The following NRXN3 variants were observed in gnomAD, a reference collection of about 807,000 sequenced individuals.
The protein encoded by NRXN3 is neurexin III.
NRXN3 carries 32 observed loss-of-function variants against 137.6 expected under a neutral mutation model. The ratio of observed to expected loss-of-function variants is 0.23; its 90% CI spans 0.18 to 0.31. The LOEUF (loss-of-function observed/expected upper bound fraction) is 0.31, where lower values mean the gene tolerates loss of function less well. Among genes scored for constraint, NRXN3 ranks in the 10% least tolerant of loss-of-function variants. The pLI, the probability that NRXN3 is intolerant of heterozygous loss-of-function variation, is 1.00. For synonymous variants in NRXN3, 798 were observed against 784.5 expected (o/e 1.02, Z -0.29); for missense variants, 1,574 against 2,062.5 (o/e 0.76, Z 4.59).
rs1603429895 is a variant in NRXN3, at chr14:79,688,113, G to GT, written c.3617-4060_3617-4059insT. Among the ~76,000 whole-genome samples, 5 of 152,094 alleles carry GT rather than the reference G, an allele frequency of 3.3e-5. No homozygotes were observed. The East Asian group carries it at 7.7e-4, about 24-fold the overall frequency. On this transcript the variant is annotated intron_variant, in intron 17 of 20. Coordinates refer to ENST00000335750, the MANE Select transcript of NRXN3 (RefSeq NM_001330195.2). Reference sequence around the variant, plus strand: ...CATCTTTTGAATGAAGGACTGATAAGGTAGTGAGACAAGGGAAGCATACCG... The same window carrying GT: ...CATCTTTTGAATGAAGGACTGATAAGTGTAGTGAGACAAGGGAAGCATACCG...
chr14:79,263,318 G>C (rs2077926519), intron 15 of NRXN3, among the ~76,000 whole-genome samples: 1 of 152,146 alleles, frequency 6.6e-6, no homozygotes, highest in African/African-American at 2.4e-5. Context: ...TGAATATGCT[G>C]AAATTTAAGT....
intron 15 of NRXN3, among the ~76,000 whole-genome samples, chr14:79,273,738 A>G (rs2079794811): frequency 6.6e-6 from 1 of 152,192 alleles, no homozygotes; most frequent in Non-Finnish European, 1.5e-5. Flanking sequence ...AAACTTGACA[A>G]CAAACCTATT....
intron 6 of NRXN3, among the ~76,000 whole-genome samples, chr14:78,691,615 C>G (rs2098171101): frequency 6.6e-6 from 1 of 152,090 alleles, no homozygotes; most frequent in African/African-American, 2.4e-5. Flanking sequence ...TTTGCACATT[C>G]ATGGCTTGAA....
chr14:79,566,747 AC>A (rs1170826622), intron 16 of NRXN3, among the ~76,000 whole-genome samples: 1 of 152,080 alleles, frequency 6.6e-6, no homozygotes, highest in Non-Finnish European at 1.5e-5. Context: ...CTCCTCCGAT[AC>A]AAAAAAATGT....
chr14:78,426,552 G>A (rs1182281395), intron 4 of NRXN3, among the ~76,000 whole-genome samples: 2 of 152,194 alleles, frequency 1.3e-5, no homozygotes, highest in Non-Finnish European at 2.9e-5. Flanking sequence ...TTGAAGAACA[G>A]TTAACCCTGG....
chr14:79,181,495 C>T (rs1448402014), intron 15 of NRXN3, among the ~76,000 whole-genome samples: 1 of 151,782 alleles, frequency 6.6e-6, no homozygotes, highest in Non-Finnish European at 1.5e-5. Flanking sequence ...CAAGCCTGGC[C>T]AACATGATGA....
At chr14:79,793,039 G>A (rs1426174577) in intron 19 of NRXN3, among the ~76,000 whole-genome samples, 3 of 152,134 alleles carry the variant, frequency 2.0e-5, no homozygotes, top group Admixed American at 2.0e-4. Context: ...AGATAGAGAG[G>A]GGAGTTAGAG....
chr14:78,680,757 T>G (rs2098066098), intron 6 of NRXN3, among the ~76,000 whole-genome samples: 2 of 152,180 alleles, frequency 1.3e-5, no homozygotes, highest in Admixed American at 1.3e-4. Flanking sequence ...TAAGTGACTT[T>G]CCTGGGCTTA....
chr14:79,062,187 A>C (rs1190173496), intron 15 of NRXN3, among the ~76,000 whole-genome samples: 1 of 152,212 alleles, frequency 6.6e-6, no homozygotes, highest in African/African-American at 2.4e-5. Flanking sequence ...AATTAATTAC[A>C]TGCAAAGATT....
chr14:79,194,997 C>T (rs1412435796), intron 15 of NRXN3, among the ~76,000 whole-genome samples: 2 of 151,988 alleles, frequency 1.3e-5, no homozygotes, highest in African/African-American at 4.8e-5. Context: ...CTGTTTTCCA[C>T]ATTCCTTGTC....
At chr14:78,504,404 C>G (rs1383826106) in intron 4 of NRXN3, among the ~76,000 whole-genome samples, 1 of 152,162 alleles carries the variant, frequency 6.6e-6, no homozygotes, top group Non-Finnish European at 1.5e-5. Context: ...GACTTGTTCT[C>G]TAGCTCATTG....
chr14:78,778,614 T>C (rs2098752307), intron 8 of NRXN3, among the ~76,000 whole-genome samples: 1 of 152,128 alleles, frequency 6.6e-6, no homozygotes, highest in South Asian at 2.1e-4. Context: ...TATGAATACG[T>C]TCTGAAACTT....
At chr14:78,456,845 CTTTCTTTCTTTTTCTCTT>C (rs1567644920) in intron 4 of NRXN3, among the ~76,000 whole-genome samples, 19 of 132,702 alleles carry the variant, frequency 1.4e-4, no homozygotes, top group East Asian at 1.4e-3. Flanking sequence ...TTCTTTCTTT[CTTTCTTTCTTTTTCTCTT>C]TCTTTCTTTC....
intron 1 of NRXN3, among the ~76,000 whole-genome samples, chr14:78,221,602 T>G (rs1028920121): frequency 1.3e-5 from 2 of 152,230 alleles, no homozygotes; most frequent in Non-Finnish European, 2.9e-5. Context: ...TAGTAAGCCT[T>G]GATTTAGCTT....
intron 15 of NRXN3, among the ~76,000 whole-genome samples, chr14:79,432,545 A>T (rs1032749888): frequency 6.6e-6 from 1 of 151,954 alleles, no homozygotes; most frequent in Non-Finnish European, 1.5e-5. Context: ...CCTTGAGAAG[A>T]CCCCCAGTCT....
chr14:78,547,753 C>G (rs957440705), intron 4 of NRXN3, among the ~76,000 whole-genome samples: 1 of 151,582 alleles, frequency 6.6e-6, no homozygotes, highest in Non-Finnish European at 1.5e-5. Context: ...ATATTTTTCT[C>G]ATTTCTATTC....
intron 8 of NRXN3, among the ~76,000 whole-genome samples, chr14:78,770,782 A>C (rs2098724633): frequency 6.6e-6 from 1 of 152,086 alleles, no homozygotes; most frequent in Non-Finnish European, 1.5e-5. Context: ...TAAGTAAGGC[A>C]AGGACATGAT....
At chr14:78,402,100 G>A (rs2092123086) in intron 4 of NRXN3, among the ~76,000 whole-genome samples, 2 of 152,194 alleles carry the variant, frequency 1.3e-5, no homozygotes, top group Non-Finnish European at 2.9e-5. Context: ...TGTGTGCTAT[G>A]CACCACTAAC....
At chr14:79,446,074 C>T (rs2096059470) in intron 15 of NRXN3, among the ~76,000 whole-genome samples, 1 of 152,092 alleles carries the variant, frequency 6.6e-6, no homozygotes, top group African/African-American at 2.4e-5. Context: ...TGACAGGTCT[C>T]CAGCTTTATT....
Sources: gnomAD v4.1 joint callset for allele counts (sites outside exome capture counted in the v4.1 genomes callset) on GRCh38, gnomAD v4.1.1 for gene constraint, MANE v1.5 for transcripts, NCBI Gene and HGNC (gene_info 2026-07-23, HGNC 2026-07-21) for gene names.